SRD5A2: variants seen among roughly 807,000 people sequenced by gnomAD.
The protein encoded by SRD5A2 is steroid 5 alpha-reductase 2.
SRD5A2 carries 30 observed loss-of-function variants against 27.4 expected under a neutral mutation model. The ratio of observed to expected loss-of-function variants is 1.10; its 90% CI spans 0.82 to 1.49. The LOEUF (loss-of-function observed/expected upper bound fraction) is 1.49. Ranked by LOEUF, SRD5A2 falls within the 40% of genes most tolerant of loss-of-function variation. SRD5A2 has a pLI of 0.00. For synonymous variants in SRD5A2, 141 were observed against 133.6 expected, an observed-to-expected ratio of 1.06 and a Z score of -0.38; for missense variants, 348 against 323.4, an observed-to-expected ratio of 1.08 and a Z score of -0.58.
At chr2:31,591,944 G>T in the SRD5A2 span, among the ~76,000 whole-genome samples, 1 of 121,388 alleles carries the variant, frequency 8.2e-6, no homozygotes, top group Non-Finnish European at 1.7e-5. Context: ...TTGTGGGGTG[G>T]GGGGAGGGGG....
chr2:31,614,741 G>A, the SRD5A2 span, among the ~76,000 whole-genome samples: 1 of 152,080 alleles, frequency 6.6e-6, no homozygotes, highest in Non-Finnish European at 1.5e-5. Flanking sequence ...AATCTAGGCG[G>A]AAGTTCCAAA....
the SRD5A2 span, among the ~76,000 whole-genome samples, chr2:31,611,313 T>G: frequency 6.6e-6 from 1 of 152,032 alleles, no homozygotes; most frequent in Non-Finnish European, 1.5e-5. Context: ...GCCAAAAAAT[T>G]TGGGATCGTT....
rs1197189568 is a variant in SRD5A2, at chr2:31,526,282, T to C, written c.699-20A>G. On this transcript the variant is annotated intron_variant, in intron 4 of 4. Coordinates refer to ENST00000622030, the MANE Select transcript of SRD5A2 (RefSeq NM_000348.4). ...TAGAACCTAAAAGACAAGAAAGGAA[T>C]AATTGTAAATATAATGGAGCAGTGG... 9 of 1,499,484 alleles carry C rather than the reference T, an allele frequency of 6.0e-6. No homozygotes were observed. The highest frequency in any genetic ancestry group is 8.2e-6 in the Non-Finnish European group (9 of 1,094,404). 92.9% of individuals were successfully genotyped at this position (1,499,484 alleles called of 1,614,324 possible).
chr2:31,542,536 A>T (rs939537500), intron 1 of SRD5A2, among the ~76,000 whole-genome samples: 1 of 152,182 alleles, frequency 6.6e-6, no homozygotes, highest in African/African-American at 2.4e-5. Context: ...ATAAACTAAA[A>T]GTACATGTGG....
chr2:31,624,453 T>C, the SRD5A2 span, among the ~76,000 whole-genome samples: 1 of 152,122 alleles, frequency 6.6e-6, no homozygotes, highest in Non-Finnish European at 1.5e-5. Context: ...CATGTTGGTG[T>C]GCTGCACTCA....
chr2:31,635,099 G>C, the SRD5A2 span, among the ~76,000 whole-genome samples: 1 of 152,106 alleles, frequency 6.6e-6, no homozygotes, highest in Admixed American at 6.5e-5. Context: ...GTTTTTTAAG[G>C]AACTTCCAAA....
intron 1 of SRD5A2, among the ~76,000 whole-genome samples, chr2:31,536,688 A>G (rs1162019416): frequency 1.3e-5 from 2 of 152,182 alleles, no homozygotes; most frequent in Non-Finnish European, 2.9e-5. Context: ...AGCTGGAAAT[A>G]GTTCAAAGCT....
chr2:31,609,489 G>C, the SRD5A2 span, among the ~76,000 whole-genome samples: 1 of 152,086 alleles, frequency 6.6e-6, no homozygotes, highest in African/African-American at 2.4e-5. Flanking sequence ...TTTTCAACAA[G>C]GTTGTCAAGA....
intron 1 of SRD5A2, among the ~76,000 whole-genome samples, chr2:31,573,264 G>T (rs542685629): frequency 6.6e-6 from 1 of 152,290 alleles, no homozygotes; most frequent in South Asian, 2.1e-4. Flanking sequence ...TATAATGCCT[G>T]GAACACCCAG....
chr2:31,592,747 C>T, the SRD5A2 span, among the ~76,000 whole-genome samples: 2 of 152,278 alleles, frequency 1.3e-5, no homozygotes, highest in African/African-American at 4.8e-5. Context: ...CTACTTAAAT[C>T]AGAAGGAACC....
rs1665858598 is a variant in SRD5A2 at position 31,529,473 on chromosome 2, T to A, written c.548-16A>T. The A allele has an allele frequency of 6.2e-7, 1 of 1,609,090 alleles. No homozygotes were observed. The highest frequency in any genetic ancestry group is 1.1e-5 in the South Asian group (1 of 90,260). ...AACAAGCCACCTGCGTGCAGAAGAA[T>A]CGGAAGGTCAATCATTGCAACTGAA... On this transcript the variant is annotated splice_polypyrimidine_tract_variant and intron_variant, in intron 3 of 4. Coordinates refer to ENST00000622030, the MANE Select transcript of SRD5A2 (RefSeq NM_000348.4).
chr2:31,583,550 G>A (rs540654876), upstream of SRD5A2, among the ~76,000 whole-genome samples: 7 of 140,906 alleles, frequency 5.0e-5, no homozygotes, highest in African/African-American at 1.8e-4. Context: ...CTGCACCTAG[G>A]TCAAGATACA....
At chr2:31,620,931 TAA>T in the SRD5A2 span, among the ~76,000 whole-genome samples, 3 of 146,936 alleles carry the variant, frequency 2.0e-5, no homozygotes, top group African/African-American at 4.9e-5. Context: ...TATATATATA[TAA>T]AATTATATTT....
intron 1 of SRD5A2, among the ~76,000 whole-genome samples, chr2:31,545,875 T>G (rs1197097430): frequency 1.3e-5 from 2 of 152,154 alleles, no homozygotes; most frequent in Non-Finnish European, 2.9e-5. Context: ...AGTAGCAGGA[T>G]AGAGAGTTGA....
At chr2:31,530,611 CT>C (rs1665886670) in intron 3 of SRD5A2, among the ~76,000 whole-genome samples, 1 of 152,094 alleles carries the variant, frequency 6.6e-6, no homozygotes, top group Non-Finnish European at 1.5e-5. Flanking sequence ...TAATCAATGA[CT>C]ATTAATGTGC....
At chr2:31,533,045 T>C (rs1665949274) in intron 2 of SRD5A2, among the ~76,000 whole-genome samples, 5 of 152,242 alleles carry the variant, frequency 3.3e-5, no homozygotes, top group Admixed American at 3.3e-4. Flanking sequence ...GTACACTTTC[T>C]TAAAACATTG....
chr2:31,555,155 GAA>G (rs34909509), intron 1 of SRD5A2, among the ~76,000 whole-genome samples: 15 of 143,398 alleles, frequency 1.0e-4, no homozygotes, highest in African/African-American at 2.8e-4. Context: ...CACACAACTA[GAA>G]AAAAAAAAAA....
At chr2:31,600,975 A>C in the SRD5A2 span, among the ~76,000 whole-genome samples, 3 of 152,024 alleles carry the variant, frequency 2.0e-5, no homozygotes, top group Non-Finnish European at 4.4e-5. Context: ...ATTCATGCTA[A>C]AAAGGCATTT....
chr2:31,618,955 TA>T, the SRD5A2 span, among the ~76,000 whole-genome samples: 1 of 152,126 alleles, frequency 6.6e-6, no homozygotes, highest in Admixed American at 6.6e-5. Flanking sequence ...TCTACATAAT[TA>T]TTAGTGAATT....
Sources: gnomAD v4.1 joint callset for allele counts (sites outside exome capture counted in the v4.1 genomes callset) on GRCh38, gnomAD v4.1.1 for gene constraint, MANE v1.5 for transcripts, NCBI Gene and HGNC (gene_info 2026-07-23, HGNC 2026-07-21) for gene names.